SLC4A4: variants seen among roughly 807,000 people sequenced by gnomAD.
SLC4A4 encodes solute carrier family 4 member 4.
SLC4A4 carries 27 observed loss-of-function variants against 111.5 expected under a neutral mutation model. The ratio of observed to expected loss-of-function variants is 0.24; its 90% confidence interval spans 0.18 to 0.33. SLC4A4 has a LOEUF of 0.33. SLC4A4 is among the 10% of genes least tolerant of loss of function. SLC4A4 has a pLI of 1.00. For missense variants in SLC4A4, 909 were observed against 1,315.5 expected (o/e 0.69, Z 4.78); for synonymous variants, 443 against 463.4 (o/e 0.96, Z 0.57).
chr4:71,317,581 G>A (rs1312451485), intron 3 of SLC4A4, among the ~76,000 whole-genome samples: 1 of 152,024 alleles, frequency 6.6e-6, no homozygotes, highest in Non-Finnish European at 1.5e-5. Context: ...AACAAGCATT[G>A]TTATTATCAA....
At chr4:71,121,289 C>A (rs535314338) in intron 2 of SLC4A4, among the ~76,000 whole-genome samples, 1 of 152,008 alleles carries the variant, frequency 6.6e-6, no homozygotes. Flanking sequence ...TGCTCCGTGG[C>A]GCCCGGTCTC....
chr4:71,419,241 T>A (rs1161844729), intron 7 of SLC4A4, among the ~76,000 whole-genome samples: 1 of 152,216 alleles, frequency 6.6e-6, no homozygotes, highest in Non-Finnish European at 1.5e-5. Flanking sequence ...GACAGGGACA[T>A]TTAAGTCTGC....
At chr4:71,275,155 T>C (rs575307745) in intron 3 of SLC4A4, among the ~76,000 whole-genome samples, 1 of 152,304 alleles carries the variant, frequency 6.6e-6, no homozygotes, top group East Asian at 1.9e-4. Context: ...CCCAAAGGAC[T>C]CAGGCACAGG....
At chr4:71,296,311 T>A (rs1724785449) in intron 3 of SLC4A4, among the ~76,000 whole-genome samples, 1 of 152,222 alleles carries the variant, frequency 6.6e-6, no homozygotes, top group Non-Finnish European at 1.5e-5. Context: ...TCTCTTTGGA[T>A]TTACACGCAT....
chr4:71,357,724 A>G (rs1414901549), intron 6 of SLC4A4, among the ~76,000 whole-genome samples: 1 of 152,214 alleles, frequency 6.6e-6, no homozygotes, highest in Non-Finnish European at 1.5e-5. Flanking sequence ...CTGATATAGG[A>G]TAATGATAGA....
At chr4:71,304,690 T>C (rs1377966405) in intron 3 of SLC4A4, among the ~76,000 whole-genome samples, 1 of 152,222 alleles carries the variant, frequency 6.6e-6, no homozygotes, top group Non-Finnish European at 1.5e-5. Flanking sequence ...CAGCTATGAT[T>C]AAGTGAGAAC....
In SLC4A4 at chr4:71,546,374, C is replaced by A. The variant is rs1184818465; in HGVS notation, c.2467C>A (p.Leu823Ile). The stretch of plus-strand genomic sequence containing the variant: ...GAAAGGAGCAGGGTATCACTTGGAT[C>A]TCTTTTGGGTGGCCATCCTCATGGT... ...LKKGAGYHLD[L>I]FWVAILMVIC... Residue 823 changes from leucine (L) to isoleucine (I), a missense_variant, in exon 19 of 26, where the codon CTC becomes ATC. Transcript: ENST00000264485. The A allele has an allele frequency of 3.1e-6, 5 of 1,612,760 alleles. No individual in the cohort carries two copies. The South Asian group carries it at 5.5e-5, about 18-fold the overall frequency.
intron 3 of SLC4A4, among the ~76,000 whole-genome samples, chr4:71,338,409 A>C (rs899312601): frequency 1.3e-5 from 2 of 152,170 alleles, no homozygotes; most frequent in African/African-American, 4.8e-5. Context: ...CTGCATTCAC[A>C]TGTATATAAC....
At chr4:71,236,367 T>C in intron 1 of SLC4A4, 2 of 850,148 alleles carry the variant, frequency 2.4e-6, no homozygotes, top group Non-Finnish European at 3.4e-6. Context: ...CTCTCAAGGT[T>C]AGAACTGAAG....
chr4:71,473,153 A>C lies in SLC4A4; in HGVS notation c.1903+183A>C, dbSNP rs770622464. Reference sequence around the variant, plus strand: ...TGAGGTATTTTAGCTGTATGATTCAACCAGGAAGGAGACCAGGAGCTCTGG... The same window carrying C: ...TGAGGTATTTTAGCTGTATGATTCACCCAGGAAGGAGACCAGGAGCTCTGG... On this transcript the variant is annotated intron_variant, in intron 14 of 25. Transcript: ENST00000264485. The C allele has an allele frequency of 6.8e-6, 5 of 734,354 alleles. No individual in the cohort carries two copies. In the South Asian group the frequency reaches 7.3e-5, roughly 11 times the overall value. 45.5% of individuals were successfully genotyped at this position (734,354 alleles called of 1,614,324 possible). A position where few individuals can be genotyped will look rare whatever the true frequency, so the allele number is the denominator to read the frequency against.
At chr4:71,516,925 T>A (rs1487179008) in intron 16 of SLC4A4, among the ~76,000 whole-genome samples, 2 of 152,154 alleles carry the variant, frequency 1.3e-5, no homozygotes, top group Non-Finnish European at 2.9e-5. Flanking sequence ...ATCATCCCAG[T>A]CTCTCCTGGA....
chr4:71,279,033 C>A (rs970029487), intron 3 of SLC4A4, among the ~76,000 whole-genome samples: 2 of 152,108 alleles, frequency 1.3e-5, no homozygotes, highest in Non-Finnish European at 2.9e-5. Context: ...TTACCATAAT[C>A]AAGCTAATTT....
chr4:71,102,797 T>A (rs1411251186), intron 2 of SLC4A4, among the ~76,000 whole-genome samples: 31 of 149,064 alleles, frequency 2.1e-4, no homozygotes, highest in African/African-American at 6.5e-4. Context: ...GAACAACCGG[T>A]ACCAGCTGCT....
chr4:71,526,973 A>T (rs1261332002), intron 16 of SLC4A4, among the ~76,000 whole-genome samples: 1 of 152,120 alleles, frequency 6.6e-6, no homozygotes, highest in Non-Finnish European at 1.5e-5. Context: ...CCCTGTGATT[A>T]CATTGGACCC....
chr4:71,105,507 C>T lies in SLC4A4; in HGVS notation c.-2+12715C>T, dbSNP rs961897802. Among the ~76,000 whole-genome samples the T allele has an allele frequency of 2.1e-4, 32 of 151,714 alleles. 1 individual carries two copies. The highest frequency in any genetic ancestry group is 7.5e-4 in the African/African-American group (31 of 41,096). ...GAACGAAGCTGGAGGCATCACACTA[C>T]CTGACTTGAAACTATACTACAAGGC... On this transcript the variant is annotated intron_variant, in intron 2 of 26. Transcript: ENST00000649996.
chr4:71,337,370 T>C lies in SLC4A4; in HGVS notation c.254-2000T>C, dbSNP rs1446734555. Among the ~76,000 whole-genome samples the C allele has an allele frequency of 2.0e-5, 3 of 152,178 alleles. No individual in the cohort carries two copies. In the East Asian group the frequency reaches 5.8e-4, roughly 29 times the overall value. On this transcript the variant is annotated intron_variant, in intron 3 of 25. Coordinates refer to ENST00000264485, the MANE Select transcript of SLC4A4 (RefSeq NM_001098484.3). ...TACTAAAATGGGATCATTTAATGTGTATTATTTTTATTTTTAATTTTATAT... is the reference window on the plus strand; with the variant it reads ...TACTAAAATGGGATCATTTAATGTGCATTATTTTTATTTTTAATTTTATAT...
intron 2 of SLC4A4, among the ~76,000 whole-genome samples, chr4:71,102,395 C>T (rs1021629403): frequency 6.0e-5 from 9 of 150,392 alleles, no homozygotes; most frequent in Non-Finnish European, 7.4e-5. Flanking sequence ...GGCAGGCCAA[C>T]GTTCAGATTC....
intron 16 of SLC4A4, among the ~76,000 whole-genome samples, chr4:71,531,165 A>AT (rs774043882): frequency 2.6e-4 from 40 of 152,144 alleles, no homozygotes; most frequent in Non-Finnish European, 4.9e-4. Flanking sequence ...AGTCCTCATT[A>AT]GTGCCACTAG....
chr4:71,517,129 A>G (rs1252467000), intron 16 of SLC4A4, among the ~76,000 whole-genome samples: 1 of 152,126 alleles, frequency 6.6e-6, no homozygotes, highest in East Asian at 1.9e-4. Context: ...CTAGATATTT[A>G]TATTTCCCTA....
Sources: gnomAD v4.1 joint callset for allele counts (sites outside exome capture counted in the v4.1 genomes callset) on GRCh38, gnomAD v4.1.1 for gene constraint, MANE v1.5 for transcripts, NCBI Gene and HGNC (gene_info 2026-07-23, HGNC 2026-07-21) for gene names.